Variants in ZNF451 observed in about 807,000 individuals in gnomAD.
ZNF451 encodes E3 SUMO-protein ligase ZNF451.
ZNF451 carries 80 observed loss-of-function variants against 107.1 expected under a neutral mutation model. The observed-to-expected ratio is 0.75, with a 90% confidence interval of 0.62 to 0.90. The LOEUF is 0.90. ZNF451 is among the 40% of genes least tolerant of loss of function. The probability of loss-of-function intolerance (pLI) is 0.00; values close to 1 mark genes in which losing one functional copy is unlikely to be tolerated. For missense variants in ZNF451, 1,107 were observed against 1,236.2 expected (o/e 0.90, Z 1.57); for synonymous variants, 362 against 406.5 (o/e 0.89, Z 1.32).
chr6:57,090,253 C>A lies in ZNF451; in HGVS notation c.-1C>A, dbSNP rs1188084939. On this transcript the variant is annotated 5_prime_UTR_variant, in exon 1 of 15. Transcript: ENST00000370706. ...GTGCTGTCAGCGCGGCCGTCGGAGA[C>A]ATGGGAGACCCGGGGTCGGAGGTGA... 6.2e-7 allele frequency: 1 copy of A among 1,611,122 alleles called. No individual in the cohort carries two copies.
chr6:57,148,837 G>C, intron 10 of ZNF451, 144 bp downstream of exon 10: 1 of 702,668 alleles, frequency 1.4e-6, no homozygotes, highest in East Asian at 2.8e-5. Flanking sequence ...TTAGGGGTTT[G>C]TATTCCTACT....
chr6:57,096,889 C>A (rs1829353286), intron 2 of ZNF451, among the ~76,000 whole-genome samples: 1 of 148,956 alleles, frequency 6.7e-6, no homozygotes, highest in Admixed American at 6.8e-5. Flanking sequence ...AATTCATCTG[C>A]CTCAGCCTCC....
At chr6:57,108,130 T>G in intron 3 of ZNF451, 1 of 985,340 alleles carries the variant, frequency 1.0e-6, no homozygotes, top group South Asian at 4.7e-5. Context: ...TGAGCCACAG[T>G]GCCCGGCCTG....
rs769695159 is a variant in ZNF451, at chr6:57,168,534, T to G, written c.*65T>G. 7.4e-7 allele frequency: 1 copy of G among 1,353,080 alleles called. No homozygotes were observed. Among genetic ancestry groups the G allele is most frequent in the Non-Finnish European group, 1.0e-6 (1 of 956,672 alleles). 83.8% of individuals were successfully genotyped at this position (1,353,080 alleles called of 1,614,324 possible). On this transcript the variant is annotated 3_prime_UTR_variant, in exon 15 of 15. Transcript: ENST00000370706. ...GACTGAGATAACGAATTCTTGAGTT[T>G]GTTTTCTAAAGGAGACCAGAAATCC...
chr6:57,156,388 G>C (rs1213423163), intron 13 of ZNF451, among the ~76,000 whole-genome samples: 11 of 152,032 alleles, frequency 7.2e-5, no homozygotes, highest in Non-Finnish European at 1.0e-4. Flanking sequence ...TTTCTATTAA[G>C]GAATGGTATT....
chr6:57,114,230 A>G (rs1179953679), intron 3 of ZNF451, among the ~76,000 whole-genome samples: 2 of 152,216 alleles, frequency 1.3e-5, no homozygotes, highest in Non-Finnish European at 1.5e-5. Flanking sequence ...CTATATTTAC[A>G]TTCCAAAGAA....
intron 3 of ZNF451, chr6:57,104,493 A>T (rs1158961003): frequency 1.0e-6 from 1 of 985,244 alleles, no homozygotes; most frequent in Non-Finnish European, 1.2e-6. Flanking sequence ...TCTTATTTCA[A>T]ACCTTAAACT....
At chr6:57,132,377 C>T (rs761153605) in intron 5 of ZNF451, among the ~76,000 whole-genome samples, 26 of 152,096 alleles carry the variant, frequency 1.7e-4, no homozygotes, top group Non-Finnish European at 3.4e-4. Context: ...TATAATATAG[C>T]TAAATTTATA....
intron 9 of ZNF451, among the ~76,000 whole-genome samples, chr6:57,145,767 T>C (rs1383827723): frequency 6.6e-6 from 1 of 152,128 alleles, no homozygotes; most frequent in Non-Finnish European, 1.5e-5. Flanking sequence ...AATGTACAAG[T>C]GTAGGTGTCT....
intron 7 of ZNF451, among the ~76,000 whole-genome samples, chr6:57,138,465 C>T (rs1831549280): frequency 6.6e-6 from 1 of 151,256 alleles, no homozygotes; most frequent in South Asian, 2.1e-4. Context: ...CGTTTCACCA[C>T]GTTGGCCAGG....
At chr6:57,104,826 A>G (rs1327135092) in intron 3 of ZNF451, 1 of 985,296 alleles carries the variant, frequency 1.0e-6, no homozygotes, top group Non-Finnish European at 1.2e-6. Context: ...AAGTGTCTCC[A>G]GATACTCTGT....
chr6:57,152,018 A>G (rs1832374963), intron 11 of ZNF451: 1 of 472,532 alleles, frequency 2.1e-6, no homozygotes, highest in Non-Finnish European at 3.7e-6. Context: ...ATGAGTTGAC[A>G]GATTCAGGGA....
chr6:57,152,074 C>G (rs1832376533), intron 11 of ZNF451, 147 bp from the exon 12 acceptor site: 2 of 604,446 alleles, frequency 3.3e-6, no homozygotes, highest in African/African-American at 1.9e-5. Flanking sequence ...GATGTTGATG[C>G]TTATGCTAGG....
intron 3 of ZNF451, chr6:57,100,614 A>C: frequency 6.6e-7 from 1 of 1,512,902 alleles, no homozygotes; most frequent in South Asian, 1.3e-5. Flanking sequence ...GAATGCCTGA[A>C]TCTAAGGTGC....
At chr6:57,156,546 C>T (rs1272160967) in intron 13 of ZNF451, among the ~76,000 whole-genome samples, 1 of 152,120 alleles carries the variant, frequency 6.6e-6, no homozygotes, top group Non-Finnish European at 1.5e-5. Context: ...TTTCTTAAGG[C>T]AATGTGGTTT....
chr6:57,117,474 T>C (rs2127953885), intron 3 of ZNF451, among the ~76,000 whole-genome samples: 1 of 152,216 alleles, frequency 6.6e-6, no homozygotes, highest in Non-Finnish European at 1.5e-5. Flanking sequence ...GATGGTAGGC[T>C]AGTGATTAAT....
Position 57,148,301 on chromosome 6 carries a change from G to A in ZNF451, c.2216G>A (p.Ser739Asn). ...ICKVNRKEDY[S>N]RCLQIMLDKG... ...AAAGTCAACAGAAAAGAAGATTATA[G>A]CAGATGTCTCCAAATCATGCTGGAT... is the stretch of plus-strand genomic sequence containing the variant. The change falls in exon 10 of 15, where the codon AGC (serine) becomes AAC (asparagine). Residue 739 changes from serine (S) to asparagine (N), a missense_variant. Physicochemically the swap from Ser to Asn is conservative, Grantham distance 46. Coordinates refer to ENST00000370706, the MANE Select transcript of ZNF451 (RefSeq NM_001031623.3). 1 of 1,614,022 alleles carries A rather than the reference G, an allele frequency of 6.2e-7. No homozygotes were observed. The highest frequency in any genetic ancestry group is 8.5e-7 in the Non-Finnish European group (1 of 1,179,966).
At chr6:57,153,018 A>G (rs1348689072) in intron 12 of ZNF451, among the ~76,000 whole-genome samples, 1 of 152,130 alleles carries the variant, frequency 6.6e-6, no homozygotes, top group Non-Finnish European at 1.5e-5. Context: ...TCTGCTGGGT[A>G]CCTAGAGAAA....
At chr6:57,142,686 A>G (rs1831830375) in intron 9 of ZNF451, among the ~76,000 whole-genome samples, 1 of 152,144 alleles carries the variant, frequency 6.6e-6, no homozygotes. Context: ...TCATGGTCAT[A>G]TGTTTTCATT....
Sources: allele counts gnomAD v4.1 joint callset (sites outside exome capture counted in the v4.1 genomes callset), GRCh38; gene constraint gnomAD v4.1.1; transcripts MANE v1.5; gene names NCBI Gene and HGNC (gene_info 2026-07-23, HGNC 2026-07-21).